The following RAPGEF4 variants were observed in gnomAD, a reference collection of about 807,000 sequenced individuals.
RAPGEF4 encodes the protein Rap guanine nucleotide exchange factor 4.
In RAPGEF4, 66 loss-of-function variants were observed where a neutral mutation model predicts 147.9. The observed-to-expected ratio is 0.45, with a 90% CI of 0.37 to 0.55. RAPGEF4 has a LOEUF of 0.55. RAPGEF4 is among the 20% of genes least tolerant of loss of function. The pLI is 0.00. For synonymous variants in RAPGEF4, 419 were observed against 442.7 expected (o/e 0.95, Z 0.67); for missense variants, 1,071 against 1,257.3 (o/e 0.85, Z 2.24).
At chr2:172,853,595 CT>C (rs879297689) in intron 4 of RAPGEF4, among the ~76,000 whole-genome samples, 65 of 150,876 alleles carry the variant, frequency 4.3e-4, no homozygotes, top group Non-Finnish European at 8.4e-4. Flanking sequence ...TTAATTTGTT[CT>C]TTTTTTTTCT....
chr2:172,906,701 G>A (rs1005978528), intron 4 of RAPGEF4, among the ~76,000 whole-genome samples: 4 of 152,206 alleles, frequency 2.6e-5, no homozygotes, highest in African/African-American at 9.6e-5. Context: ...GTGGACAGCA[G>A]CTTGGAGAAC....
intron 12 of RAPGEF4, among the ~76,000 whole-genome samples, chr2:172,986,703 T>TC (rs1692287768): frequency 3.9e-5 from 6 of 151,918 alleles, no homozygotes; most frequent in Admixed American, 1.3e-4. Context: ...ATTTTCTTTT[T>TC]TTTTTTTTGA....
At chr2:172,930,169 G>A (rs891364999) in intron 6 of RAPGEF4, among the ~76,000 whole-genome samples, 10 of 152,134 alleles carry the variant, frequency 6.6e-5, no homozygotes, top group African/African-American at 2.4e-4. Flanking sequence ...CAGGCTGATA[G>A]CATTGCATGA....
intron 4 of RAPGEF4, among the ~76,000 whole-genome samples, chr2:172,906,912 G>A (rs1208227251): frequency 6.6e-6 from 1 of 152,230 alleles, no homozygotes; most frequent in East Asian, 1.9e-4. Flanking sequence ...TTCAGGAGAT[G>A]CCACCCAACT....
At chr2:172,998,166 T>C (rs1458867783) in intron 16 of RAPGEF4, among the ~76,000 whole-genome samples, 1 of 152,192 alleles carries the variant, frequency 6.6e-6, no homozygotes, top group Non-Finnish European at 1.5e-5. Flanking sequence ...AGAATGTGGT[T>C]AGTGCTTCAG....
At chr2:172,988,864 G>A (rs1339520140) in intron 14 of RAPGEF4, 25 bp downstream of exon 14, 2 of 1,607,538 alleles carry the variant, frequency 1.2e-6, no homozygotes, top group Admixed American at 3.3e-5. Flanking sequence ...AAGTGTGGCT[G>A]AGAGACAGCC....
At chr2:172,998,133 T>G (rs1469260942) in intron 16 of RAPGEF4, among the ~76,000 whole-genome samples, 1 of 152,202 alleles carries the variant, frequency 6.6e-6, no homozygotes, top group Non-Finnish European at 1.5e-5. Context: ...TAAAGGAATG[T>G]GCACATAACT....
intron 6 of RAPGEF4, among the ~76,000 whole-genome samples, chr2:172,931,193 G>C (rs1685926857): frequency 7.6e-6 from 1 of 131,604 alleles, no homozygotes; most frequent in Non-Finnish European, 1.7e-5. Flanking sequence ...GGCGCTGGGG[G>C]GCGGGGGGAC....
intron 1 of RAPGEF4, among the ~76,000 whole-genome samples, chr2:172,792,554 C>G (rs1685929906): frequency 6.6e-6 from 1 of 152,080 alleles, no homozygotes; most frequent in Non-Finnish European, 1.5e-5. Context: ...GTTGGGAGGC[C>G]AGGGAGGTTG....
intron 6 of RAPGEF4, among the ~76,000 whole-genome samples, chr2:172,928,510 C>T (rs1402910332): frequency 1.3e-5 from 2 of 152,040 alleles, no homozygotes; most frequent in East Asian, 3.9e-4. Context: ...ACCTGCTTGC[C>T]GTGAGTTTGT....
intron 6 of RAPGEF4, among the ~76,000 whole-genome samples, chr2:172,945,720 A>C (rs1687615222): frequency 6.6e-6 from 1 of 152,168 alleles, no homozygotes; most frequent in Admixed American, 6.5e-5. Context: ...GCATGCATTT[A>C]AATATTAAGA....
At chr2:172,889,847 G>A (rs909635984) in intron 4 of RAPGEF4, 13 of 978,612 alleles carry the variant, frequency 1.3e-5, no homozygotes, top group Admixed American at 6.2e-5. Context: ...TCTCTTAGCA[G>A]ATTTTGCAAA....
chr2:172,777,447 T>G (rs1395303095), intron 1 of RAPGEF4, among the ~76,000 whole-genome samples: 1 of 152,136 alleles, frequency 6.6e-6, no homozygotes, highest in African/African-American at 2.4e-5. Flanking sequence ...CTCTGACTGG[T>G]TAGAAGTGCT....
intron 30 of RAPGEF4, among the ~76,000 whole-genome samples, chr2:173,049,163 T>C (rs1685876821): frequency 6.6e-6 from 1 of 152,236 alleles, no homozygotes; most frequent in Non-Finnish European, 1.5e-5. Flanking sequence ...ATTTCTAGTA[T>C]TCCCACATGA....
intron 19 of RAPGEF4, 35 bp from the exon 20 acceptor site, chr2:173,017,139 G>T (rs764864389): frequency 1.9e-6 from 3 of 1,590,162 alleles, no homozygotes; most frequent in Admixed American, 1.7e-5. Flanking sequence ...TAGTAGCAAT[G>T]GTATTAAATA....
rs1694578620 is a variant in RAPGEF4, at chr2:173,007,291, T to G, written c.1658+5947T>G. Among the ~76,000 whole-genome samples the G allele has an allele frequency of 1.3e-5, 2 of 152,188 alleles. 1 individual carries two copies. The highest frequency in any genetic ancestry group is 1.3e-4 in the Admixed American group (2 of 15,286). ...AGAGACTTCTAAAAACACAGAGGAT[T>G]CTGAAAATCAGTGGGAAAAATATTC... On this transcript the variant is annotated intron_variant, in intron 17 of 30. Transcript: ENST00000397081.
intron 5 of RAPGEF4, among the ~76,000 whole-genome samples, chr2:172,921,690 G>A (rs1684778375): frequency 6.6e-6 from 1 of 152,208 alleles, no homozygotes. Context: ...GTAAATCAAT[G>A]ACAAATGAGC....
chr2:172,981,563 G>A (rs1433988577), intron 10 of RAPGEF4, among the ~76,000 whole-genome samples: 1 of 152,212 alleles, frequency 6.6e-6, no homozygotes, highest in Non-Finnish European at 1.5e-5. Context: ...TTTAGCAGGA[G>A]GTGAACCTGG....
At chr2:172,886,459 G>C (rs1697226629) in intron 4 of RAPGEF4, among the ~76,000 whole-genome samples, 1 of 152,182 alleles carries the variant, frequency 6.6e-6, no homozygotes, top group Admixed American at 6.5e-5. Flanking sequence ...AAAGAACCCA[G>C]CACTCGGCAT....
Sources: gnomAD v4.1 joint callset for allele counts (sites outside exome capture counted in the v4.1 genomes callset) on GRCh38, gnomAD v4.1.1 for gene constraint, MANE v1.5 for transcripts, NCBI Gene and HGNC (gene_info 2026-07-23, HGNC 2026-07-21) for gene names.